Variants in ARID1A observed in about 807,000 individuals in gnomAD.
ARID1A encodes AT-rich interactive domain-containing protein 1A.
Under a neutral mutation model 212.6 loss-of-function variants are expected in ARID1A, and 20 were observed. The ratio of observed to expected loss-of-function variants is 0.09; its 90% CI spans 0.07 to 0.14. The LOEUF is 0.14. Among genes scored for constraint, ARID1A ranks in the 10% least tolerant of loss-of-function variants. The pLI, the probability that ARID1A is intolerant of heterozygous loss-of-function variation, is 1.00. For synonymous variants in ARID1A, 1,376 were observed against 1,222.1 expected (o/e 1.13, Z -2.63); for missense variants, 2,587 against 3,059.0 (o/e 0.85, Z 3.64).
chr1:26,761,589 ATTG>A, intron 6 of ARID1A, 116 bp downstream of exon 6: 3 of 971,868 alleles, frequency 3.1e-6, no homozygotes, highest in Non-Finnish European at 4.7e-6. Flanking sequence ...CCTGCAGCAA[ATTG>A]TTTTTATATT....
At chr1:26,716,570 T>C (rs1348153708) in intron 1 of ARID1A, among the ~76,000 whole-genome samples, 4 of 152,192 alleles carry the variant, frequency 2.6e-5, no homozygotes, top group African/African-American at 9.7e-5. Context: ...TAGGAAGTTA[T>C]CCATTGAGGC....
At chr1:26,730,672 T>C in intron 2 of ARID1A, among the ~76,000 whole-genome samples, 1 of 152,198 alleles carries the variant, frequency 6.6e-6, no homozygotes, top group Middle Eastern at 3.2e-3. Context: ...GGCTGTCAAA[T>C]ATTTTTTTTG....
Position 26,779,185 on chromosome 1 carries a change from G to C in ARID1A, c.5287G>C (p.Glu1763Gln). 3 of 1,605,834 alleles carry C rather than the reference G, an allele frequency of 1.9e-6. No individual in the cohort carries two copies. Among genetic ancestry groups the C allele is most frequent in the Non-Finnish European group, 2.6e-6 (3 of 1,175,050 alleles). ...TAGTCCAGCTCCCATGGAGGGTGGG[G>C]AAGAAGAAGAAGAACTTCTAGGTCC... is the stretch of plus-strand genomic sequence containing the variant. ...VSSPAPMEGG[E>Q]EEEELLGPKL... The change falls in exon 20 of 20, where the codon GAA (glutamate) becomes CAA (glutamine). Residue 1763 changes from glutamate to glutamine, a missense_variant. By Grantham distance (29) the Glu-to-Gln change is conservative. Around this residue, in one of 11 missense-constraint regions of ARID1A, gnomAD observed 890 missense variants for 1,098.2 expected, o/e 0.81. Transcript: ENST00000324856.
intron 4 of ARID1A, among the ~76,000 whole-genome samples, chr1:26,752,222 G>A (rs2080890979): frequency 6.6e-6 from 1 of 152,180 alleles, no homozygotes; most frequent in Admixed American, 6.5e-5. Flanking sequence ...GTGAAAGGCA[G>A]CCTATTCTGT....
intron 1 of ARID1A, among the ~76,000 whole-genome samples, chr1:26,725,063 T>A (rs2080603795): frequency 6.6e-6 from 1 of 152,144 alleles, no homozygotes; most frequent in African/African-American, 2.4e-5. Context: ...GGGCAGCATT[T>A]TCCTCTCAAT....
rs572680423 is a variant in ARID1A at position 26,729,805 on chromosome 1, C to T, written c.1292C>T (p.Pro431Leu). ...PYGSQTPQRY[P>L]MTMQGRAQSA... is the part of the protein sequence containing the mutation. ...GGGTCCCAGACCCCGCAGCGGTACC[C>T]GATGACCATGCAGGGCCGGGCGCAG... Residue 431 changes from proline to leucine, a missense_variant, in exon 2 of 20, where the codon CCG becomes CTG. By Grantham distance (98) the Pro-to-Leu change is moderately conservative. Around this residue, in one of 11 missense-constraint regions of ARID1A, gnomAD observed 674 missense variants for 813.4 expected, o/e 0.83. Coordinates refer to ENST00000324856, the MANE Select transcript of ARID1A (RefSeq NM_006015.6). 14 of 1,614,122 alleles carry T rather than the reference C, an allele frequency of 8.7e-6. No homozygotes were observed. The Admixed American group carries it at 1.2e-4, about 13-fold the overall frequency.
At chr1:26,765,526 G>A (rs1418740252) in intron 8 of ARID1A, 1 of 151,180 alleles carries the variant, frequency 6.6e-6, no homozygotes, top group African/African-American at 2.4e-5. Flanking sequence ...GCTATCTAGA[G>A]CTTGAACTCT....
chr1:26,751,189 A>G (rs188972188), intron 4 of ARID1A, among the ~76,000 whole-genome samples: 2 of 152,170 alleles, frequency 1.3e-5, no homozygotes, highest in African/African-American at 4.8e-5. Context: ...TGGGAGGCGG[A>G]GATTGCAGTG....
chr1:26,701,521 A>G (rs1181667561), intron 1 of ARID1A, among the ~76,000 whole-genome samples: 1 of 152,204 alleles, frequency 6.6e-6, no homozygotes, highest in Non-Finnish European at 1.5e-5. Context: ...CTTAGGTTCC[A>G]CATACAGCTC....
chr1:26,780,892 A>G lies in ARID1A; in HGVS notation c.*136A>G. 7.8e-7 allele frequency: 1 copy of G among 1,283,322 alleles called. No homozygotes were observed. Among genetic ancestry groups the G allele is most frequent in the Non-Finnish European group, 1.1e-6 (1 of 950,448 alleles). The allele number at this position is 1,283,322 out of a possible 1,614,324, so 79.5% of individuals were successfully genotyped here. A position where few individuals can be genotyped will look rare whatever the true frequency, so the allele number is the denominator to read the frequency against. On this transcript the variant is annotated 3_prime_UTR_variant, in exon 20 of 20. Coordinates refer to ENST00000324856, the MANE Select transcript of ARID1A (RefSeq NM_006015.6). The surrounding 1 kb of genome is among the most constrained non-coding windows in gnomAD (Gnocchi z 7.2). ...TGCTGTCCAGCTTCTCCCTTGGGAA[A>G]AAGTCTCTCCTGTTTCTCTCTCCTC...
intron 1 of ARID1A, among the ~76,000 whole-genome samples, chr1:26,708,266 CTTTTTTTTTTTTTTTTTTTTTTTTTTTT>C (rs397860721): frequency 4.2e-5 from 1 of 23,740 alleles, no homozygotes; most frequent in Non-Finnish European, 7.1e-5. Context: ...CAGTCCTTCA[CTTTTTTTTTTTTTTTTTTTTTTTTTTTT>C]TTTTTTTTGA....
chr1:26,725,711 C>A (rs1030280533), intron 1 of ARID1A, among the ~76,000 whole-genome samples: 1 of 152,096 alleles, frequency 6.6e-6, no homozygotes, highest in Non-Finnish European at 1.5e-5. Context: ...CCCTTTATAG[C>A]CCCCATGTAA....
At chr1:26,764,289 A>G (rs1343827903) in intron 8 of ARID1A, 16 of 144,762 alleles carry the variant, frequency 1.1e-4, no homozygotes, top group Non-Finnish European at 1.5e-4. Context: ...TTAAATAGAG[A>G]TGGGGTCTCA....
chr1:26,718,003 T>A (rs1006362121), intron 1 of ARID1A, among the ~76,000 whole-genome samples: 1 of 152,118 alleles, frequency 6.6e-6, no homozygotes, highest in African/African-American at 2.4e-5. Context: ...TGAGATGAAG[T>A]TTGCTCTGTT....
intron 1 of ARID1A, among the ~76,000 whole-genome samples, chr1:26,718,270 C>A (rs771504645): frequency 9.2e-5 from 14 of 152,220 alleles, no homozygotes; most frequent in Non-Finnish European, 1.5e-5. Context: ...CCACCGCACC[C>A]AGCCGTTGTT....
intron 4 of ARID1A, among the ~76,000 whole-genome samples, chr1:26,748,845 A>G (rs1203353459): frequency 6.6e-6 from 1 of 151,832 alleles, no homozygotes; most frequent in Non-Finnish European, 1.5e-5. Context: ...AATCATCATC[A>G]TCATCTTTTT....
chr1:26,739,365 A>G (rs1156914783), intron 4 of ARID1A, among the ~76,000 whole-genome samples: 1 of 152,210 alleles, frequency 6.6e-6, no homozygotes, highest in Non-Finnish European at 1.5e-5. Context: ...TACTGCCTCT[A>G]CCTGAGAAAT....
rs564103600 is a variant in ARID1A, at chr1:26,723,815, G to A, written c.1138-5836G>A. 4.6e-5 allele frequency among the ~76,000 whole-genome samples: 7 copies of A among 152,060 alleles called. No homozygotes were observed. The South Asian group carries it at 1.5e-3, about 32-fold the overall frequency. ...CTCTCCATTCCACCTCCAATGCTACGTCACCACAACACAACCACTCGCGCT... is the reference window on the plus strand; with the variant it reads ...CTCTCCATTCCACCTCCAATGCTACATCACCACAACACAACCACTCGCGCT... On this transcript the variant is annotated intron_variant, in intron 1 of 19. Transcript: ENST00000324856.
intron 4 of ARID1A, among the ~76,000 whole-genome samples, chr1:26,741,097 T>C (rs2080783417): frequency 6.6e-6 from 1 of 152,156 alleles, no homozygotes. Context: ...TAGTTAATAG[T>C]TAAACCATAG....
Sources: allele counts gnomAD v4.1 joint callset (sites outside exome capture counted in the v4.1 genomes callset), GRCh38; gene constraint gnomAD v4.1.1; regional missense constraint gnomAD v4.1.1; non-coding constraint Gnocchi (gnomAD v3.1); transcripts MANE v1.5; gene names NCBI Gene and HGNC (gene_info 2026-07-23, HGNC 2026-07-21).